Variants in SSBP2 observed in about 807,000 individuals in gnomAD.
SSBP2 encodes the protein single stranded DNA binding protein 2, also known as single-stranded DNA-binding protein 2.
Under a neutral mutation model 61.8 loss-of-function variants are expected in SSBP2, and 17 were observed. The ratio of observed to expected loss-of-function variants is 0.28; its 90% CI spans 0.19 to 0.41. The LOEUF is 0.41. Among genes scored for constraint, SSBP2 ranks in the 10% least tolerant of loss-of-function variants. The probability of loss-of-function intolerance (pLI) is 1.00; values close to 1 mark genes in which losing one functional copy is unlikely to be tolerated. For synonymous variants in SSBP2, 139 were observed against 141.3 expected, an observed-to-expected ratio of 0.98 and a Z score of 0.12; for missense variants, 310 against 458.7, an observed-to-expected ratio of 0.68 and a Z score of 2.96.
intron 4 of SSBP2, among the ~76,000 whole-genome samples, chr5:81,524,275 A>T (rs1232544825): frequency 6.6e-6 from 1 of 152,002 alleles, no homozygotes; most frequent in African/African-American, 2.4e-5. Context: ...AAGAAACTGA[A>T]TTTTGCCCAG....
chr5:81,637,154 T>C (rs1052243089), intron 2 of SSBP2, among the ~76,000 whole-genome samples: 4 of 152,214 alleles, frequency 2.6e-5, no homozygotes, highest in African/African-American at 9.7e-5. Flanking sequence ...TTTGTGCCAC[T>C]CAGAAGTATC....
chr5:81,650,764 T>G lies in SSBP2; in HGVS notation c.63-425A>C, dbSNP rs964528220. On this transcript the variant is annotated intron_variant, in intron 1 of 16. Transcript: ENST00000320672. ...TTTTGGCGAATGTTAATATAAACTC[T>G]AGCTGTTTGTAGAAACATATGCCAC... 2.6e-5 allele frequency among the ~76,000 whole-genome samples: 4 copies of G among 152,270 alleles called. No homozygotes were observed. In the South Asian group the frequency reaches 8.3e-4, roughly 32 times the overall value.
At chr5:81,532,681 T>G (rs1770506085) in intron 4 of SSBP2, among the ~76,000 whole-genome samples, 1 of 151,912 alleles carries the variant, frequency 6.6e-6, no homozygotes, top group African/African-American at 2.4e-5. Flanking sequence ...AAGACAAATT[T>G]AATATTAATG....
chr5:81,453,934 G>A (rs1294044130), intron 10 of SSBP2, among the ~76,000 whole-genome samples: 1 of 152,212 alleles, frequency 6.6e-6, no homozygotes, highest in Non-Finnish European at 1.5e-5. Context: ...GGTATGATGA[G>A]GATAGAAAGT....
chr5:81,489,165 C>CAT (rs1269645117), intron 6 of SSBP2, 85 bp downstream of exon 6: 68 of 1,239,026 alleles, frequency 5.5e-5, no homozygotes, highest in Non-Finnish European at 7.4e-5. Flanking sequence ...AGGAGAATTT[C>CAT]ATATTTTTAC....
chr5:81,640,210 T>C (rs1748650005), intron 2 of SSBP2, among the ~76,000 whole-genome samples: 1 of 151,972 alleles, frequency 6.6e-6, no homozygotes, highest in Non-Finnish European at 1.5e-5. Context: ...CATGGTGGTG[T>C]GCGCCTGTAG....
intron 2 of SSBP2, 102 bp from the exon 3 acceptor site, chr5:81,636,720 A>G: frequency 1.1e-6 from 1 of 899,818 alleles, no homozygotes; most frequent in Non-Finnish European, 1.6e-6. Flanking sequence ...TAATATTTGA[A>G]TTTTTCATCA....
At chr5:81,500,345 C>G (rs1337020161) in intron 5 of SSBP2, among the ~76,000 whole-genome samples, 1 of 152,096 alleles carries the variant, frequency 6.6e-6, no homozygotes, top group Non-Finnish European at 1.5e-5. Flanking sequence ...TCCCAAGTAG[C>G]TGGGACTACA....
At chr5:81,641,731 G>C (rs539177731) in intron 2 of SSBP2, among the ~76,000 whole-genome samples, 1 of 152,140 alleles carries the variant, frequency 6.6e-6, no homozygotes, top group Non-Finnish European at 1.5e-5. Context: ...ATGAAAATTA[G>C]AAACAGCCTG....
intron 5 of SSBP2, among the ~76,000 whole-genome samples, chr5:81,489,712 G>A (rs1257202986): frequency 6.6e-6 from 1 of 152,078 alleles, no homozygotes; most frequent in African/African-American, 2.4e-5. Flanking sequence ...GAATTGTTTG[G>A]TTTGGTTATC....
rs1024461423 is a variant in SSBP2 at position 81,735,826 on chromosome 5, G to A, written c.62+15155C>T. 6.6e-5 allele frequency among the ~76,000 whole-genome samples: 10 copies of A among 151,986 alleles called. 1 individual carries two copies. The highest frequency in any genetic ancestry group is 1.5e-5 in the Non-Finnish European group (1 of 67,988). On this transcript the variant is annotated intron_variant, in intron 1 of 16. Coordinates refer to ENST00000320672, the MANE Select transcript of SSBP2 (RefSeq NM_012446.5). ...AAAATATTAGATAAAATAGAACATCGATAACCATACTTTATCATTTCTATA... is the reference window on the plus strand; with the variant it reads ...AAAATATTAGATAAAATAGAACATCAATAACCATACTTTATCATTTCTATA...
chr5:81,562,010 T>C (rs1304206579), intron 4 of SSBP2, among the ~76,000 whole-genome samples: 1 of 152,124 alleles, frequency 6.6e-6, no homozygotes, highest in Admixed American at 6.6e-5. Flanking sequence ...GTTCAAGCGA[T>C]TCTCCTGTCT....
At chr5:81,582,053 T>C (rs1397200044) in intron 4 of SSBP2, among the ~76,000 whole-genome samples, 1 of 152,150 alleles carries the variant, frequency 6.6e-6, no homozygotes, top group Admixed American at 6.5e-5. Flanking sequence ...AGCCTTAAAG[T>C]AAATAGCTTT....
chr5:81,472,087 A>G (rs1765285297), intron 8 of SSBP2, among the ~76,000 whole-genome samples: 1 of 152,178 alleles, frequency 6.6e-6, no homozygotes, highest in African/African-American at 2.4e-5. Flanking sequence ...ACAAGCTCCT[A>G]AAGTACTGCT....
Position 81,552,999 on chromosome 5 carries a change from G to A in SSBP2, c.283-39282C>T, listed in dbSNP as rs539957103. ...AACTGTCAGGAGTACTTCCAGCACA[G>A]TAGCAGTTCAGGAAATGAGGATGAT... On this transcript the variant is annotated intron_variant, in intron 4 of 16. Transcript: ENST00000320672. Among the ~76,000 whole-genome samples the A allele has an allele frequency of 1.2e-4, 18 of 152,274 alleles. No homozygotes were observed. The South Asian group carries it at 2.1e-3, about 18-fold the overall frequency.
chr5:81,636,376 T>C (rs1206107398), intron 3 of SSBP2, 181 bp downstream of exon 3: 5 of 465,252 alleles, frequency 1.1e-5, no homozygotes, highest in Admixed American at 3.6e-5. Context: ...AACTCAATAG[T>C]AGTATATTTA....
intron 1 of SSBP2, among the ~76,000 whole-genome samples, chr5:81,742,043 T>C (rs1757058533): frequency 6.6e-6 from 1 of 152,214 alleles, no homozygotes; most frequent in Non-Finnish European, 1.5e-5. Flanking sequence ...CCACATATTA[T>C]CTGTATTACC....
intron 3 of SSBP2, among the ~76,000 whole-genome samples, chr5:81,635,741 G>T (rs1324815448): frequency 6.6e-6 from 1 of 151,936 alleles, no homozygotes; most frequent in African/African-American, 2.4e-5. Flanking sequence ...CCGCCACCAC[G>T]CCTGGCTAAT....
chr5:81,604,196 A>T (rs1274317848), intron 4 of SSBP2, among the ~76,000 whole-genome samples: 2 of 151,874 alleles, frequency 1.3e-5, no homozygotes, highest in Admixed American at 1.3e-4. Context: ...ATGAGATAAA[A>T]GGTTTTCATG....
Sources: allele counts gnomAD v4.1 joint callset (sites outside exome capture counted in the v4.1 genomes callset), GRCh38; gene constraint gnomAD v4.1.1; transcripts MANE v1.5; gene names NCBI Gene and HGNC (gene_info 2026-07-23, HGNC 2026-07-21).